Variants in TACC1 observed in about 807,000 individuals in gnomAD.
TACC1 encodes transforming acidic coiled-coil-containing protein 1.
TACC1 carries 48 observed loss-of-function variants against 84.4 expected under a neutral mutation model. The observed-to-expected ratio is 0.57, with a 90% CI of 0.45 to 0.72. The LOEUF is 0.72. TACC1 is among the 30% of genes least tolerant of loss of function. The pLI is 0.00. For missense variants in TACC1, 920 were observed against 973.0 expected (o/e 0.95, Z 0.72); for synonymous variants, 372 against 376.3 (o/e 0.99, Z 0.13).
At chr8:38,772,623 C>T (rs1434376123) in intron 3 of TACC1, among the ~76,000 whole-genome samples, 1 of 152,078 alleles carries the variant, frequency 6.6e-6, no homozygotes, top group Non-Finnish European at 1.5e-5. Flanking sequence ...CTGGTTTCCT[C>T]TTCATCCATG....
intron 1 of TACC1, among the ~76,000 whole-genome samples, chr8:38,736,471 C>T (rs545695982): frequency 3.3e-5 from 5 of 152,034 alleles, no homozygotes; most frequent in African/African-American, 1.2e-4. Context: ...AAAAAATTAC[C>T]CGGGCATGGT....
chr8:38,770,249 C>A (rs1473417591), intron 3 of TACC1, among the ~76,000 whole-genome samples: 2 of 152,064 alleles, frequency 1.3e-5, no homozygotes, highest in Non-Finnish European at 1.5e-5. Context: ...AGTGTCAAGT[C>A]TCACGCCCTT....
At chr8:38,777,776 T>C (rs1024194946) in intron 3 of TACC1, among the ~76,000 whole-genome samples, 3 of 152,064 alleles carry the variant, frequency 2.0e-5, no homozygotes, top group East Asian at 1.9e-4. Context: ...GCCTGGACAA[T>C]AGAGCAAAAC....
intron 2 of TACC1, 70 bp downstream of exon 2, chr8:38,788,889 GAAA>G (rs1563494709): frequency 4.0e-6 from 5 of 1,242,744 alleles, no homozygotes. Context: ...ATGAAGGAAG[GAAA>G]AAAGTGTAAA....
chr8:38,787,472 C>G lies in TACC1; in HGVS notation c.-111C>G, dbSNP rs1817520909. The G allele has an allele frequency of 2.1e-6, 3 of 1,396,862 alleles. No homozygotes were observed. Among genetic ancestry groups the G allele is most frequent in the Non-Finnish European group, 2.8e-6 (3 of 1,081,128 alleles). The allele number at this position is 1,396,862 out of a possible 1,614,324, so 86.5% of individuals were successfully genotyped here. ...TCGTTTAACCACATCCGCGCCTCTG[C>G]TGGAAACGCTTGCTGGCGCCTGTCA... is the stretch of plus-strand genomic sequence containing the variant. On this transcript the variant is annotated 5_prime_UTR_variant, in exon 1 of 13. Transcript: ENST00000317827.
chr8:38,768,040 C>T (rs1393214807), intron 3 of TACC1, among the ~76,000 whole-genome samples: 2 of 148,358 alleles, frequency 1.3e-5, no homozygotes, highest in Admixed American at 1.4e-4. Context: ...TGCACTCCAG[C>T]CTGGGTGACA....
intron 2 of TACC1, among the ~76,000 whole-genome samples, chr8:38,744,720 A>G (rs1315345717): frequency 4.9e-5 from 6 of 121,268 alleles, no homozygotes; most frequent in Admixed American, 3.2e-4. Flanking sequence ...CATAGGAACT[A>G]TTTTCGGTAT....
chr8:38,740,106 C>G (rs1282352358), intron 1 of TACC1, among the ~76,000 whole-genome samples: 1 of 152,204 alleles, frequency 6.6e-6, no homozygotes, highest in African/African-American at 2.4e-5. Flanking sequence ...GGCGAGAGAT[C>G]TGAGTGCTGT....
At chr8:38,732,651 C>T (rs951365003) in intron 1 of TACC1, among the ~76,000 whole-genome samples, 1 of 152,134 alleles carries the variant, frequency 6.6e-6, no homozygotes, top group Non-Finnish European at 1.5e-5. Flanking sequence ...GCTTCCCCTG[C>T]GTCACCTCAT....
In TACC1 at chr8:38,741,443, G is replaced by A. The variant is rs1307444227; in HGVS notation, c.-674-908G>A. Reference sequence around the variant, plus strand: ...CAAAGTGCTGGGATTACAGGCAGGAGCCGCCGCGCCTGGCCCATGCTGTTA... The same window carrying A: ...CAAAGTGCTGGGATTACAGGCAGGAACCGCCGCGCCTGGCCCATGCTGTTA... On this transcript the variant is annotated intron_variant, in intron 1 of 14. Coordinates refer to the TACC1 transcript ENST00000518415. Among the ~76,000 whole-genome samples, 3 of 152,296 alleles carry A rather than the reference G, an allele frequency of 2.0e-5. No individual in the cohort carries two copies. In the East Asian group the frequency reaches 5.8e-4, roughly 29 times the overall value.
chr8:38,840,295 G>A (rs1033214548), intron 9 of TACC1, 28 bp downstream of exon 9: 3 of 1,600,184 alleles, frequency 1.9e-6, no homozygotes, highest in Non-Finnish European at 2.6e-6. Context: ...TTTTTTGAGG[G>A]TATGAGCCAT....
chr8:38,729,145 G>A (rs1022997756), intron 1 of TACC1, among the ~76,000 whole-genome samples: 1 of 152,138 alleles, frequency 6.6e-6, no homozygotes, highest in African/African-American at 2.4e-5. Context: ...GGTGAACGGG[G>A]CGCGGCTGTT....
chr8:38,822,496 A>T (rs1827103622), intron 3 of TACC1, among the ~76,000 whole-genome samples: 1 of 152,164 alleles, frequency 6.6e-6, no homozygotes. Flanking sequence ...GCTTCTATAA[A>T]CACGGTACAC....
intron 3 of TACC1, chr8:38,757,386 G>A: frequency 1.6e-6 from 2 of 1,259,800 alleles, no homozygotes; most frequent in East Asian, 7.0e-5. Context: ...CCGGGGAGAG[G>A]CACCCGAGAC....
intron 11 of TACC1, chr8:38,843,642 T>C: frequency 3.7e-6 from 1 of 267,360 alleles, no homozygotes; most frequent in Non-Finnish European, 7.0e-6. Flanking sequence ...TTCTGTTTTT[T>C]CTTCCTATTA....
intron 3 of TACC1, among the ~76,000 whole-genome samples, chr8:38,749,262 GA>G (rs1406956500): frequency 6.6e-6 from 1 of 152,134 alleles, no homozygotes; most frequent in Non-Finnish European, 1.5e-5. Flanking sequence ...ATCAATTAAA[GA>G]TATTGAATTT....
intron 3 of TACC1, among the ~76,000 whole-genome samples, chr8:38,768,067 T>TGAAG (rs72090925): frequency 0.061 from 7,312 of 119,730 alleles, 249 homozygotes; most frequent in East Asian, 0.11. Flanking sequence ...GACGCTGTCT[T>TGAAG]GAAGGAAGGA....
intron 3 of TACC1, among the ~76,000 whole-genome samples, chr8:38,756,597 A>G (rs1338307274): frequency 6.6e-6 from 1 of 152,122 alleles, no homozygotes; most frequent in East Asian, 1.9e-4. Flanking sequence ...TTTGGAGGAA[A>G]ATTCATTGCC....
chr8:38,842,450 A>G lies in TACC1; in HGVS notation c.2121+3A>G, dbSNP rs1232075008. ...GTGTTCTGGAAGGGTTCAAGAAGGT[A>G]GAGTGTTTTTTCCCTCTGTCTCCTG... On this transcript the variant is annotated splice_donor_region_variant and intron_variant, in intron 10 of 12. Transcript: ENST00000317827. 5 of 1,601,612 alleles carry G rather than the reference A, an allele frequency of 3.1e-6. No individual in the cohort carries two copies. Among genetic ancestry groups the G allele is most frequent in the Non-Finnish European group, 4.3e-6 (5 of 1,175,148 alleles).
Sources: gnomAD v4.1 joint callset for allele counts (sites outside exome capture counted in the v4.1 genomes callset) on GRCh38, gnomAD v4.1.1 for gene constraint, MANE v1.5 for transcripts, NCBI Gene and HGNC (gene_info 2026-07-23, HGNC 2026-07-21) for gene names.